The following NBAS variants were observed in gnomAD, a reference collection of about 807,000 sequenced individuals.
NBAS encodes NBAS subunit of NRZ tethering complex.
In NBAS, 219 loss-of-function variants were observed where a neutral mutation model predicts 302.5. The observed-to-expected ratio is 0.72, with a 90% CI of 0.65 to 0.81. NBAS has a LOEUF of 0.81. NBAS is among the 30% of genes least tolerant of loss of function. NBAS has a pLI of 0.00. For synonymous variants in NBAS, 1,118 were observed against 1,021.6 expected, an observed-to-expected ratio of 1.09 and a Z score of -1.80; for missense variants, 2,932 against 2,841.6, an observed-to-expected ratio of 1.03 and a Z score of -0.72.
chr2:15,069,037 G>A, the NBAS span, among the ~76,000 whole-genome samples: 86,661 of 151,836 alleles, frequency 0.57, 25,704 homozygotes, highest in East Asian at 0.69. Context: ...TAAAGCCACC[G>A]GTCCTACTCC....
At chr2:15,398,548 A>G (rs1006258839) in intron 26 of NBAS, among the ~76,000 whole-genome samples, 5 of 152,210 alleles carry the variant, frequency 3.3e-5, no homozygotes, top group African/African-American at 1.2e-4. Flanking sequence ...ACAATGAGTA[A>G]AGTTTTTTTA....
intron 26 of NBAS, chr2:15,397,734 G>T: frequency 3.0e-6 from 1 of 338,394 alleles, no homozygotes; most frequent in South Asian, 4.1e-5. Flanking sequence ...GGCTGCATGT[G>T]GCTGTGGCCC....
intron 9 of NBAS, among the ~76,000 whole-genome samples, chr2:15,525,135 A>T (rs1662857980): frequency 6.6e-6 from 1 of 152,206 alleles, no homozygotes; most frequent in African/African-American, 2.4e-5. Context: ...TTTCCATCCC[A>T]ATACCAGCAA....
chr2:14,986,200 C>A, the NBAS span, among the ~76,000 whole-genome samples: 2 of 151,276 alleles, frequency 1.3e-5, no homozygotes, highest in African/African-American at 4.9e-5. Context: ...AAATCCCTTA[C>A]AGGTATATCT....
the NBAS span, among the ~76,000 whole-genome samples, chr2:15,133,737 A>ATG: frequency 4.5e-3 from 680 of 151,880 alleles, 6 homozygotes; most frequent in Admixed American, 0.011. Context: ...GGTAGATATA[A>ATG]TGTGTGTGTG....
At chr2:15,285,776 CT>C (rs1164454503) in intron 42 of NBAS, among the ~76,000 whole-genome samples, 18 of 152,202 alleles carry the variant, frequency 1.2e-4, no homozygotes, top group African/African-American at 2.9e-4. Flanking sequence ...CCTCAACCTC[CT>C]GAGTAGCTGG....
chr2:15,076,855 A>G, the NBAS span, among the ~76,000 whole-genome samples: 1 of 152,246 alleles, frequency 6.6e-6, no homozygotes, highest in Admixed American at 6.5e-5. Context: ...ACAACAGCTC[A>G]GAGTTTTCAA....
At chr2:15,372,415 G>A (rs899968603) in intron 31 of NBAS, among the ~76,000 whole-genome samples, 4 of 152,188 alleles carry the variant, frequency 2.6e-5, no homozygotes, top group Admixed American at 6.5e-5. Context: ...CTCCTGGAGT[G>A]TAGGCAAAGA....
At chr2:15,137,961 T>C in the NBAS span, among the ~76,000 whole-genome samples, 1 of 152,172 alleles carries the variant, frequency 6.6e-6, no homozygotes, top group African/African-American at 2.4e-5. Flanking sequence ...TTGCTTCTAC[T>C]CATCAAGAGC....
the NBAS span, among the ~76,000 whole-genome samples, chr2:14,958,600 T>C: frequency 2.0e-5 from 3 of 152,194 alleles, no homozygotes; most frequent in Non-Finnish European, 2.9e-5. Context: ...GTAAGAGCAA[T>C]GGAACACGGG....
In NBAS at chr2:15,521,604, T is replaced by C. The variant is rs145932343; in HGVS notation, c.747-10254A>G. Among the ~76,000 whole-genome samples, 826 of 152,324 alleles carry C rather than the reference T, an allele frequency of 5.4e-3. 7 individuals are homozygous for C. Among genetic ancestry groups the C allele is most frequent in the African/African-American group, 0.019 (789 of 41,568 alleles). On this transcript the variant is annotated intron_variant, in intron 9 of 51. Transcript: ENST00000281513. ...CTTTATATGCTTTGACAAAGTCAAG[T>C]ATATTTAATAATTTAACTAAAATCT... is the stretch of plus-strand genomic sequence containing the variant.
intron 25 of NBAS, among the ~76,000 whole-genome samples, chr2:15,408,666 G>A (rs1676539043): frequency 6.6e-6 from 1 of 152,154 alleles, no homozygotes. Context: ...GGTTAGAAAT[G>A]CAGTATACTA....
chr2:15,082,341 G>T, the NBAS span, among the ~76,000 whole-genome samples: 1 of 152,150 alleles, frequency 6.6e-6, no homozygotes, highest in African/African-American at 2.4e-5. Context: ...ATTGTGCCAG[G>T]AGCCAGGGAT....
At chr2:15,076,871 G>A in the NBAS span, among the ~76,000 whole-genome samples, 2 of 152,194 alleles carry the variant, frequency 1.3e-5, no homozygotes, top group Non-Finnish European at 2.9e-5. Flanking sequence ...TTCAACTGGA[G>A]CAGCTAGGAT....
At chr2:15,476,977 C>T (rs567566896) in intron 13 of NBAS, among the ~76,000 whole-genome samples, 1 of 152,204 alleles carries the variant, frequency 6.6e-6, no homozygotes, top group African/African-American at 2.4e-5. Context: ...AAAGCATTAA[C>T]AACACTTTTT....
chr2:15,237,550 G>GA (rs1232964697), intron 45 of NBAS, among the ~76,000 whole-genome samples: 4 of 150,484 alleles, frequency 2.7e-5, no homozygotes, highest in East Asian at 3.9e-4. Context: ...GGAGGGAAAA[G>GA]AAAATCAAAA....
the NBAS span, among the ~76,000 whole-genome samples, chr2:15,099,768 G>A: frequency 2.0e-5 from 3 of 151,632 alleles, no homozygotes; most frequent in South Asian, 4.2e-4. Flanking sequence ...TGGACTTTAC[G>A]AGTGCAAAGC....
chr2:14,798,493 T>C, the NBAS span, among the ~76,000 whole-genome samples: 2 of 152,328 alleles, frequency 1.3e-5, no homozygotes, highest in African/African-American at 4.8e-5. Flanking sequence ...AAGTTTTGTC[T>C]AGAATTTTTG....
chr2:15,186,629 A>C, intron 50 of NBAS, 113 bp downstream of exon 50: 2 of 1,447,044 alleles, frequency 1.4e-6, no homozygotes, highest in Non-Finnish European at 1.9e-6. Flanking sequence ...GGCCTTTACC[A>C]GTAATTACTT....
Sources: gnomAD v4.1 joint callset for allele counts (sites outside exome capture counted in the v4.1 genomes callset) on GRCh38, gnomAD v4.1.1 for gene constraint, MANE v1.5 for transcripts, NCBI Gene and HGNC (gene_info 2026-07-23, HGNC 2026-07-21) for gene names.